The following PCED1A variants were observed in gnomAD, a reference collection of about 807,000 sequenced individuals.
PCED1A encodes the protein PC-esterase domain-containing protein 1A.
PCED1A carries 20 observed loss-of-function variants against 41.9 expected under a neutral mutation model. That is an observed-to-expected ratio of 0.48 (90% CI 0.34 to 0.69). PCED1A has a LOEUF of 0.69. Ranked by LOEUF, PCED1A falls within the 30% of genes least tolerant of loss-of-function variation. The pLI is 0.01. For missense variants in PCED1A, 498 were observed against 602.1 expected (o/e 0.83, Z 1.81); for synonymous variants, 236 against 241.3 (o/e 0.98, Z 0.20).
In PCED1A at chr20:2,836,157, T is replaced by C; in HGVS notation, c.999A>G (p.Pro333=). ...GGGGCAGGGGTGGGAAGAGGGGAGG[T>C]GGCGAGGGCTGAGGAAGCGGGTAGG... ...PFPYPLPQPS[P]PPLFPPLPQD... The change falls in exon 7 of 8, where the codon CCA becomes CCG. Residue 333 remains proline, a synonymous_variant. Coordinates refer to ENST00000360652, the MANE Select transcript of PCED1A (RefSeq NM_022760.6). 1 of 1,459,038 alleles carries C rather than the reference T, an allele frequency of 6.9e-7. No individual in the cohort carries two copies. Among genetic ancestry groups the C allele is most frequent in the Non-Finnish European group, 9.1e-7 (1 of 1,100,030 alleles). The allele number at this position is 1,459,038 out of a possible 1,614,324, so 90.4% of individuals were successfully genotyped here.
In PCED1A at chr20:2,838,088, G is replaced by C. The variant is rs976422086; in HGVS notation, c.841+144C>G. The C allele has an allele frequency of 5.0e-6, 6 of 1,191,284 alleles. No homozygotes were observed. Among genetic ancestry groups the C allele is most frequent in the Non-Finnish European group, 6.0e-6 (5 of 831,838 alleles). The allele number at this position is 1,191,284 out of a possible 1,614,324, so 73.8% of individuals were successfully genotyped here. On this transcript the variant is annotated intron_variant, in intron 6 of 7. Transcript: ENST00000360652. The surrounding 1 kb of genome is among the most constrained non-coding windows in gnomAD (Gnocchi z 5.8). ...TCCGATGATCTAACCCTCCTCAGGG[G>C]TTGAGGAAGGTGCATGCAGAAGCCA...
chr20:2,838,940 A>G lies in PCED1A; in HGVS notation c.347T>C (p.Val116Ala). 6.2e-7 allele frequency: 1 copy of G among 1,614,034 alleles called. No individual in the cohort carries two copies. Among genetic ancestry groups the G allele is most frequent in the Non-Finnish European group, 8.5e-7 (1 of 1,180,032 alleles). The change falls in exon 4 of 8, where the codon GTT (valine) becomes GCT (alanine). Residue 116 changes from valine to alanine, a missense_variant. By Grantham distance (64) the Val-to-Ala change is moderately conservative. Around this residue, in one of 2 missense-constraint regions of PCED1A, gnomAD observed 253 missense variants for 369.7 expected, o/e 0.68. Coordinates refer to ENST00000360652, the MANE Select transcript of PCED1A (RefSeq NM_022760.6). This position sits in a 1 kb window ranked among gnomAD's most constrained non-coding sequence, Gnocchi z 5.8. Reference sequence around the variant, plus strand: ...AACATCCTCAAGGTACTCGGAGTAAACACGAGTGAGGAAGTAGAAGCGCAC... The same window carrying G: ...AACATCCTCAAGGTACTCGGAGTAAGCACGAGTGAGGAAGTAGAAGCGCAC... ...HLVRFYFLTR[V>A]YSEYLEDVLE...
Position 2,839,264 on chromosome 20 carries a change from C to A in PCED1A, c.132G>T (p.Arg44Ser), listed in dbSNP as rs2088899247. 3.1e-6 allele frequency: 5 copies of A among 1,613,840 alleles called. No individual in the cohort carries two copies. The highest frequency in any genetic ancestry group is 1.7e-6 in the Non-Finnish European group (2 of 1,180,002). The change falls in exon 3 of 8, where the codon AGG becomes AGT. Residue 44 changes from arginine (R) to serine (S), a missense_variant. Coordinates refer to ENST00000360652, the MANE Select transcript of PCED1A (RefSeq NM_022760.6). ...FVVILGDSIQ[R>S]AVYKDLVLLL... The stretch of plus-strand genomic sequence containing the variant: ...AGAGCACCAGGTCCTTGTACACAGC[C>A]CTCTGAACTGGGAGGAGACAGAGAT...
rs773707666 is a variant in PCED1A at position 2,839,090 on chromosome 20, C to T, written c.205-8G>A. On this transcript the variant is annotated splice_region_variant and splice_polypyrimidine_tract_variant and intron_variant, in intron 3 of 7. Transcript: ENST00000360652. ...TTCAAAGCTCAGCTCCCCCTACCCA[C>T]CCCCCCCACCCTACTGGTCAGACCC... 12 of 927,180 alleles carry T rather than the reference C, an allele frequency of 1.3e-5. No homozygotes were observed. The highest frequency in any genetic ancestry group is 2.6e-5 in the South Asian group (2 of 77,312). 57.4% of individuals were successfully genotyped at this position (927,180 alleles called of 1,614,324 possible).
In PCED1A at chr20:2,839,850, G is replaced by T; in HGVS notation, c.63C>A (p.Phe21Leu). Residue 21 changes from phenylalanine (F) to leucine (L), a missense_variant, in exon 2 of 8, where the codon TTC (phenylalanine) becomes TTA (leucine). Phe to Leu is a conservative substitution (Grantham distance 22). This residue lies in a region of PCED1A where 253 missense variants were observed against 369.7 expected (regional missense o/e 0.68). Transcript: ENST00000360652. ...GCAGCTGCTGGACTTCCGAGGCCTG[G>T]AAGTGGACCATGTCGCTTCGCAGCG... is the stretch of plus-strand genomic sequence containing the variant. ...RRPLRSDMVH[F>L]QASEVQQLLH... 6.2e-7 allele frequency: 1 copy of T among 1,614,230 alleles called. No homozygotes were observed. The highest frequency in any genetic ancestry group is 1.7e-5 in the Admixed American group (1 of 60,028).
chr20:2,836,067 C>A lies in PCED1A; in HGVS notation c.1089G>T (p.Val363=). The A allele has an allele frequency of 6.6e-7, 1 of 1,504,370 alleles. No individual in the cohort carries two copies. The highest frequency in any genetic ancestry group is 8.9e-7 in the Non-Finnish European group (1 of 1,125,664). The allele number at this position is 1,504,370 out of a possible 1,614,324, so 93.2% of individuals were successfully genotyped here. ...PPHEFFNYNP[V]EDFSMPPHLG... ...AGTGGGGTGGCATCGAGAAGTCCTC[C>A]ACTGGATTATAGTTGAAGAATTCAT... The change falls in exon 7 of 8, where the codon GTG becomes GTT. Residue 363 remains valine (V), a synonymous_variant. Coordinates refer to ENST00000360652, the MANE Select transcript of PCED1A (RefSeq NM_022760.6).
At position 2,835,427 on chromosome 20, in the gene PCED1A, C is replaced by T. The variant is rs750502033; in HGVS notation, c.*35G>A. 1 of 1,576,692 alleles carries T rather than the reference C, an allele frequency of 6.3e-7. No individual in the cohort carries two copies. The highest frequency in any genetic ancestry group is 8.6e-7 in the Non-Finnish European group (1 of 1,156,562). ...GAGGTGCCAGGCAGGCCCTGAAGGG[C>T]CATTGGCACATCCAGTCCCAGCCCA... is the stretch of plus-strand genomic sequence containing the variant. On this transcript the variant is annotated 3_prime_UTR_variant, in exon 8 of 8. Coordinates refer to ENST00000360652, the MANE Select transcript of PCED1A (RefSeq NM_022760.6).
chr20:2,839,264 C>CCT lies in PCED1A; in HGVS notation c.130_131dup (p.Ala45GlyfsTer22), dbSNP rs1192154464. ...AGAGCACCAGGTCCTTGTACACAGC[C>CCT]CTCTGAACTGGGAGGAGACAGAGAT... On this transcript the variant is annotated frameshift_variant, in exon 3 of 8. Transcript: ENST00000360652. LOFTEE classifies it high-confidence loss of function. 4.3e-6 allele frequency: 7 copies of CCT among 1,613,722 alleles called. No individual in the cohort carries two copies. In the Admixed American group the frequency reaches 1.0e-4, roughly 23 times the overall value.
rs777316526 is a variant in PCED1A, at chr20:2,839,182, C to T, written c.204+10G>A. ...ACCCACCACTGACATGGCCACCAAG[C>T]TTCCCTCACCTTGGCTTTCAGCTGG... On this transcript the variant is annotated intron_variant, in intron 3 of 7. Transcript: ENST00000360652. 2 of 1,611,694 alleles carry T rather than the reference C, an allele frequency of 1.2e-6. No homozygotes were observed. The highest frequency in any genetic ancestry group is 4.5e-5 in the East Asian group (2 of 44,744).
chr20:2,840,852 A>G (rs745645707), upstream of PCED1A: 17 of 782,432 alleles, frequency 2.2e-5, no homozygotes, highest in Middle Eastern at 4.7e-4. Context: ...CCTCCCGCCC[A>G]CGGCCTGGCT....
chr20:2,837,002 C>A (rs962176257), intron 6 of PCED1A, among the ~76,000 whole-genome samples: 3 of 152,150 alleles, frequency 2.0e-5, no homozygotes, highest in African/African-American at 4.8e-5. Flanking sequence ...TGCAAATCTA[C>A]TCTGTATTTC....
In PCED1A at chr20:2,840,449, G is replaced by T. The variant is rs1044948576; in HGVS notation, c.-260C>A. ...GGCCCCGACGGCGCCTCAGGCCTCG[G>T]CGCCTCGGGCTGCGACGCTCACAGC... On this transcript the variant is annotated 5_prime_UTR_variant, in exon 1 of 8. Coordinates refer to ENST00000360652, the MANE Select transcript of PCED1A (RefSeq NM_022760.6). 7.0e-6 allele frequency: 3 copies of T among 428,406 alleles called. No individual in the cohort carries two copies. Among genetic ancestry groups the T allele is most frequent in the Non-Finnish European group, 1.3e-5 (3 of 238,672 alleles). The allele number at this position is 428,406 out of a possible 1,614,324, so 26.5% of individuals were successfully genotyped here. A position where few individuals can be genotyped will look rare whatever the true frequency, so the allele number is the denominator to read the frequency against.
Position 2,840,282 on chromosome 20 carries a change from G to A in PCED1A, c.-93C>T. ...GCGCACCGCGCGCCTGGCCCGCAGCGGGCTCCTAGCCAAGCCTCATGTTCC... is the reference window on the plus strand; with the variant it reads ...GCGCACCGCGCGCCTGGCCCGCAGCAGGCTCCTAGCCAAGCCTCATGTTCC... On this transcript the variant is annotated 5_prime_UTR_variant, in exon 1 of 8. Coordinates refer to ENST00000360652, the MANE Select transcript of PCED1A (RefSeq NM_022760.6). 1 of 244,348 alleles carries A rather than the reference G, an allele frequency of 4.1e-6. No homozygotes were observed. The highest frequency in any genetic ancestry group is 2.3e-5 in the African/African-American group (1 of 43,848). 15.1% of individuals were successfully genotyped at this position (244,348 alleles called of 1,614,324 possible).
Position 2,838,081 on chromosome 20 carries a change from C to T in PCED1A, c.841+151G>A. On this transcript the variant is annotated intron_variant, in intron 6 of 7. Coordinates refer to ENST00000360652, the MANE Select transcript of PCED1A (RefSeq NM_022760.6). The surrounding 1 kb of genome is among the most constrained non-coding windows in gnomAD (Gnocchi z 5.8). ...ATATTGCTCCGATGATCTAACCCTC[C>T]TCAGGGGTTGAGGAAGGTGCATGCA... The T allele has an allele frequency of 8.6e-7, 1 of 1,168,484 alleles. No individual in the cohort carries two copies. The highest frequency in any genetic ancestry group is 2.4e-5 in the East Asian group (1 of 42,512). The allele number at this position is 1,168,484 out of a possible 1,614,324, so 72.4% of individuals were successfully genotyped here. A position where few individuals can be genotyped will look rare whatever the true frequency, so the allele number is the denominator to read the frequency against.
At chr20:2,840,773 C>G (rs1401797592), upstream of PCED1A, 1 of 1,548,436 alleles carries the variant, frequency 6.5e-7, no homozygotes, top group African/African-American at 1.4e-5. Context: ...TCTGCACCAG[C>G]CATGGACTGC....
At position 2,839,099 on chromosome 20, in the gene PCED1A, C is replaced by T. The variant is rs1415493511; in HGVS notation, c.205-17G>A. ...CAGCTCCCCCTACCCACCCCCCCCA[C>T]CCTACTGGTCAGACCCATGCCAGGG... On this transcript the variant is annotated splice_polypyrimidine_tract_variant and intron_variant, in intron 3 of 7. Coordinates refer to ENST00000360652, the MANE Select transcript of PCED1A (RefSeq NM_022760.6). 6.2e-7 allele frequency: 1 copy of T among 1,603,956 alleles called. No homozygotes were observed. The highest frequency in any genetic ancestry group is 1.1e-5 in the South Asian group (1 of 90,658).
upstream of PCED1A, chr20:2,840,723 C>T (rs2088955184): frequency 6.5e-7 from 1 of 1,534,666 alleles, no homozygotes; most frequent in East Asian, 2.5e-5. Flanking sequence ...GCCTGGAGCC[C>T]GCTCTAGGTG....
chr20:2,837,941 T>C (rs1272203481), intron 6 of PCED1A, among the ~76,000 whole-genome samples: 5 of 152,216 alleles, frequency 3.3e-5, no homozygotes, highest in Non-Finnish European at 7.3e-5. Context: ...TGTTAATCTG[T>C]TGGGTAGGAC....
intron 6 of PCED1A, among the ~76,000 whole-genome samples, chr20:2,836,595 C>T (rs1443879369): frequency 6.6e-6 from 1 of 152,182 alleles, no homozygotes; most frequent in Non-Finnish European, 1.5e-5. Flanking sequence ...TTTTTCCTCG[C>T]CCACCTCCTC....
Sources: gnomAD v4.1 joint callset for allele counts (sites outside exome capture counted in the v4.1 genomes callset) on GRCh38, gnomAD v4.1.1 for gene constraint, gnomAD v4.1.1 regional missense constraint, Gnocchi (gnomAD v3.1) non-coding constraint, MANE v1.5 for transcripts, NCBI Gene and HGNC (gene_info 2026-07-23, HGNC 2026-07-21) for gene names.